Variants in TSHZ2 observed in about 807,000 individuals in gnomAD.
The protein encoded by TSHZ2 is teashirt homolog 2.
Under a neutral mutation model 74.4 loss-of-function variants are expected in TSHZ2, and 21 were observed. The ratio of observed to expected loss-of-function variants is 0.28; its 90% CI spans 0.20 to 0.41. The LOEUF (loss-of-function observed/expected upper bound fraction) is 0.41. Ranked by LOEUF, TSHZ2 falls within the 10% of genes least tolerant of loss-of-function variation. The probability of loss-of-function intolerance (pLI) is 1.00; values close to 1 mark genes in which losing one functional copy is unlikely to be tolerated. For missense variants in TSHZ2, 1,244 were observed against 1,293.5 expected (o/e 0.96, Z 0.59); for synonymous variants, 540 against 515.3 (o/e 1.05, Z -0.65).
In TSHZ2 at chr20:53,289,755, G is replaced by A. The variant is rs1991246090; in HGVS notation, c.*8+33184G>A. The stretch of plus-strand genomic sequence containing the variant: ...AAGACATGCAAATATCTGGGAAGTT[G>A]AAATAAATCAGCTTCTAATTCTGAT... On this transcript the variant is annotated intron_variant, in intron 2 of 2. Coordinates refer to ENST00000371497, the MANE Select transcript of TSHZ2 (RefSeq NM_173485.6). Among the ~76,000 whole-genome samples, 3 of 152,268 alleles carry A rather than the reference G, an allele frequency of 2.0e-5. No homozygotes were observed. The South Asian group carries it at 6.2e-4, about 32-fold the overall frequency.
intron 1 of TSHZ2, among the ~76,000 whole-genome samples, chr20:52,994,732 G>C (rs76383530): frequency 1.3e-5 from 2 of 152,070 alleles, no homozygotes; most frequent in African/African-American, 2.4e-5. Flanking sequence ...TTTTTCCCTG[G>C]TTGGCCACTC....
intron 1 of TSHZ2, among the ~76,000 whole-genome samples, chr20:53,026,352 C>CT (rs113816786): frequency 2.1e-3 from 296 of 143,682 alleles, no homozygotes; most frequent in Non-Finnish European, 2.4e-3. Flanking sequence ...CTCTCATATT[C>CT]TTTTTTTTTT....
chr20:53,373,807 A>G (rs1265553278), intron 2 of TSHZ2, among the ~76,000 whole-genome samples: 1 of 152,186 alleles, frequency 6.6e-6, no homozygotes, highest in African/African-American at 2.4e-5. Flanking sequence ...AGTGGGCTTC[A>G]GATGGGGCCT....
rs150031292 is a variant in TSHZ2 at position 53,009,710 on chromosome 20, A to C, written c.40+36377A>C. On this transcript the variant is annotated intron_variant, in intron 1 of 2. Coordinates refer to ENST00000371497, the MANE Select transcript of TSHZ2 (RefSeq NM_173485.6). ...CAGAGGAGAAAGATTTTCCCAGTCA[A>C]AAAGCTTCTGCCCAAACTCAGACTT... 2.6e-5 allele frequency among the ~76,000 whole-genome samples: 4 copies of C among 152,296 alleles called. No individual in the cohort carries two copies. In the South Asian group the frequency reaches 8.3e-4, roughly 32 times the overall value.
In TSHZ2 at chr20:53,185,710, C is replaced by T. The variant is rs764188066; in HGVS notation, c.41-67789C>T. 1.3e-5 allele frequency: 20 copies of T among 1,536,038 alleles called. No homozygotes were observed. In the South Asian group the frequency reaches 2.4e-4, roughly 18 times the overall value. On this transcript the variant is annotated intron_variant, in intron 1 of 2. Transcript: ENST00000371497. Reference sequence around the variant, plus strand: ...GTTTACCCACTTGCTGCTAGAAAGTCATCCCTATGGCTCTATTCTCTTGCT... The same window carrying T: ...GTTTACCCACTTGCTGCTAGAAAGTTATCCCTATGGCTCTATTCTCTTGCT...
At chr20:53,486,049 T>G (rs1986282250) in intron 2 of TSHZ2, among the ~76,000 whole-genome samples, 1 of 152,180 alleles carries the variant, frequency 6.6e-6, no homozygotes, top group South Asian at 2.1e-4. Flanking sequence ...TTCTTATTGC[T>G]TTTCCCACCT....
intron 2 of TSHZ2, among the ~76,000 whole-genome samples, chr20:53,341,756 G>A (rs1386607679): frequency 6.6e-6 from 1 of 152,136 alleles, no homozygotes; most frequent in Non-Finnish European, 1.5e-5. Context: ...TGTTGCCCAG[G>A]CTGGAGTGCA....
chr20:53,155,995 G>C (rs1339960819), intron 1 of TSHZ2, among the ~76,000 whole-genome samples: 1 of 152,132 alleles, frequency 6.6e-6, no homozygotes, highest in Non-Finnish European at 1.5e-5. Context: ...CTAAATGCCT[G>C]TTTCTTTTCA....
chr20:53,039,814 A>G (rs1306704732), intron 1 of TSHZ2, among the ~76,000 whole-genome samples: 1 of 133,600 alleles, frequency 7.5e-6, no homozygotes, highest in East Asian at 2.3e-4. Flanking sequence ...ACACACACAC[A>G]CCAGTGAAGA....
At chr20:53,367,561 C>T (rs559795736) in intron 2 of TSHZ2, among the ~76,000 whole-genome samples, 3 of 151,974 alleles carry the variant, frequency 2.0e-5, no homozygotes, top group East Asian at 3.9e-4. Context: ...AGAAGTTTTT[C>T]TTCTCCCATT....
chr20:53,001,228 G>GTATGTGTGTGTGTGTGTA lies in TSHZ2; in HGVS notation c.40+27896_40+27897insATGTGTGTGTGTGTGTAT, dbSNP rs57496923. ...TGCGTGTGTGTGTGTGTGTGTGTGTGTGTGTGTGTGTGTGTGTGTGTGTGT... is the reference window on the plus strand; with the variant it reads ...TGCGTGTGTGTGTGTGTGTGTGTGTGTATGTGTGTGTGTGTGTATGTGTGTGTGTGTGTGTGTGTGTGT... On this transcript the variant is annotated intron_variant, in intron 1 of 2. Coordinates refer to ENST00000371497, the MANE Select transcript of TSHZ2 (RefSeq NM_173485.6). Among the ~76,000 whole-genome samples, 10 of 143,384 alleles carry GTATGTGTGTGTGTGTGTA rather than the reference G, an allele frequency of 7.0e-5. 1 individual carries two copies. The highest frequency in any genetic ancestry group is 1.6e-4 in the African/African-American group (6 of 36,634). 94.1% of individuals were successfully genotyped at this position (143,384 alleles called of 152,430 possible).
chr20:53,141,469 G>A (rs984383343), intron 1 of TSHZ2, among the ~76,000 whole-genome samples: 6 of 152,168 alleles, frequency 3.9e-5, no homozygotes, highest in African/African-American at 1.4e-4. Context: ...AAATCCTGTA[G>A]CCGGCATTCA....
intron 2 of TSHZ2, among the ~76,000 whole-genome samples, chr20:53,345,833 G>C (rs573956445): frequency 6.6e-6 from 1 of 151,112 alleles, no homozygotes; most frequent in African/African-American, 2.4e-5. Flanking sequence ...GCGTGATCAC[G>C]TGCTGATTTC....
At chr20:53,026,091 A>G (rs546720436) in intron 1 of TSHZ2, among the ~76,000 whole-genome samples, 19 of 152,172 alleles carry the variant, frequency 1.2e-4, no homozygotes, top group Non-Finnish European at 2.4e-4. Flanking sequence ...ACCCTAAGTT[A>G]GTGAAACCAA....
rs149033135 is a variant in TSHZ2 at position 53,100,764 on chromosome 20, C to T, written c.40+127431C>T. Among the ~76,000 whole-genome samples, 34 of 152,314 alleles carry T rather than the reference C, an allele frequency of 2.2e-4. 1 individual carries two copies. The East Asian group carries it at 6.4e-3, about 29-fold the overall frequency. On this transcript the variant is annotated intron_variant, in intron 1 of 2. Transcript: ENST00000371497. ...CATTCCACTGCCTTTTATTGAACAA[C>T]CTCTGGACAAAATACTCTTCCACAC...
At chr20:53,330,185 C>CT (rs11478708) in intron 2 of TSHZ2, among the ~76,000 whole-genome samples, 7 of 151,384 alleles carry the variant, frequency 4.6e-5, no homozygotes, top group Admixed American at 2.0e-4. Flanking sequence ...AGTCTTTCAA[C>CT]TTTTTTTTTA....
chr20:53,409,151 G>T (rs1221699436), intron 2 of TSHZ2, among the ~76,000 whole-genome samples: 2 of 152,106 alleles, frequency 1.3e-5, no homozygotes, highest in African/African-American at 4.8e-5. Context: ...CAGAAGGGGG[G>T]ATGTGAACTC....
chr20:53,143,714 AT>A (rs1187253241), intron 1 of TSHZ2, among the ~76,000 whole-genome samples: 1 of 151,136 alleles, frequency 6.6e-6, no homozygotes, highest in Non-Finnish European at 1.5e-5. Flanking sequence ...AAATAAATAA[AT>A]AATAATAATA....
intron 2 of TSHZ2, among the ~76,000 whole-genome samples, chr20:53,385,236 C>T (rs930260540): frequency 2.0e-5 from 3 of 151,900 alleles, no homozygotes; most frequent in Admixed American, 6.6e-5. Flanking sequence ...AAACAGGAGG[C>T]GGAAAAGAGT....
Sources: gnomAD v4.1 joint callset for allele counts (sites outside exome capture counted in the v4.1 genomes callset) on GRCh38, gnomAD v4.1.1 for gene constraint, MANE v1.5 for transcripts, NCBI Gene and HGNC (gene_info 2026-07-23, HGNC 2026-07-21) for gene names.